SCARB1: variants seen among roughly 807,000 people sequenced by gnomAD.
The protein encoded by SCARB1 is scavenger receptor class B member 1.
SCARB1 carries 30 observed loss-of-function variants against 57.2 expected under a neutral mutation model. The ratio of observed to expected loss-of-function variants is 0.52; its 90% CI spans 0.39 to 0.71. SCARB1 has a LOEUF of 0.71. Among genes scored for constraint, SCARB1 ranks in the 30% least tolerant of loss-of-function variants. The pLI is 0.00. For missense variants in SCARB1, 543 were observed against 671.2 expected, an observed-to-expected ratio of 0.81 and a Z score of 2.11; for synonymous variants, 249 against 268.3, an observed-to-expected ratio of 0.93 and a Z score of 0.70.
rs1353120484 is a variant in SCARB1 at position 124,832,451 on chromosome 12, C to CA, written c.127-14745dup. Among the ~76,000 whole-genome samples the CA allele has an allele frequency of 2.6e-5, 4 of 151,500 alleles. 1 individual carries two copies. Among genetic ancestry groups the CA allele is most frequent in the African/African-American group, 9.7e-5 (4 of 41,112 alleles). On this transcript the variant is annotated intron_variant, in intron 1 of 12. Transcript: ENST00000261693. ...AGGAGAATCACTTGAACCTGGAAGG[C>CA]AGAGGTTCTAGTGAGCCGAGATTGT... is the stretch of plus-strand genomic sequence containing the variant.
At position 124,855,298 on chromosome 12, in the gene SCARB1, G is replaced by A. The variant is rs561346742; in HGVS notation, c.126+8297C>T. ...GGAAAGAAAACAAGAAAATTAAGAC[G>A]GCCAGGCCTTGGGCCATGAGGCTTC... On this transcript the variant is annotated intron_variant, in intron 1 of 12. Transcript: ENST00000261693. Among the ~76,000 whole-genome samples, 7 of 151,974 alleles carry A rather than the reference G, an allele frequency of 4.6e-5. No homozygotes were observed. In the East Asian group the frequency reaches 9.7e-4, roughly 21 times the overall value.
intron 1 of SCARB1, among the ~76,000 whole-genome samples, chr12:124,824,423 T>C (rs1420497202): frequency 1.3e-5 from 2 of 152,150 alleles, no homozygotes; most frequent in Admixed American, 6.5e-5. Context: ...TACACGGTAA[T>C]GAGAATGCTT....
At chr12:124,853,042 G>A (rs574041094) in intron 1 of SCARB1, among the ~76,000 whole-genome samples, 31 of 152,314 alleles carry the variant, frequency 2.0e-4, no homozygotes, top group Non-Finnish European at 3.5e-4. Context: ...ACAGACAGTG[G>A]ACGTGGGGGG....
chr12:124,854,037 AG>A (rs1440773694), intron 1 of SCARB1, among the ~76,000 whole-genome samples: 1 of 152,244 alleles, frequency 6.6e-6, no homozygotes, highest in African/African-American at 2.4e-5. Flanking sequence ...CTGCCCTCAC[AG>A]TCCGACATTC....
intron 11 of SCARB1, chr12:124,783,484 G>A (rs1280179309): frequency 1.3e-5 from 2 of 152,266 alleles, no homozygotes; most frequent in Non-Finnish European, 2.9e-5. Context: ...AAACTGATAA[G>A]GCCGGCCAGG....
Position 124,814,307 on chromosome 12 carries a change from A to G in SCARB1, c.525T>C (p.Thr175=). ...TLGERAFMNR[T]VGEIMWGYKD... is the part of the protein sequence containing the mutation. Reference sequence around the variant, plus strand: ...TGTAGCCCCACATGATCTCACCCACAGTGCGGTTCATGAAGGCACGTTCGC... The same window carrying G: ...TGTAGCCCCACATGATCTCACCCACGGTGCGGTTCATGAAGGCACGTTCGC... Residue 175 remains threonine, a synonymous_variant, in exon 4 of 13, where the codon ACT becomes ACC. Coordinates refer to ENST00000261693, the MANE Select transcript of SCARB1 (RefSeq NM_005505.5). This position sits in a 1 kb window ranked among gnomAD's most constrained non-coding sequence, Gnocchi z 4.7. 6.2e-7 allele frequency: 1 copy of G among 1,614,224 alleles called. No individual in the cohort carries two copies. Among genetic ancestry groups the G allele is most frequent in the Non-Finnish European group, 8.5e-7 (1 of 1,180,012 alleles).
intron 1 of SCARB1, among the ~76,000 whole-genome samples, chr12:124,845,168 G>A (rs1952090450): frequency 1.3e-5 from 2 of 152,162 alleles, no homozygotes; most frequent in African/African-American, 4.8e-5. Context: ...AGCCAAGCGA[G>A]TTCCCGAACA....
At chr12:124,798,846 G>GA (rs377087563) in intron 8 of SCARB1, among the ~76,000 whole-genome samples, 7,449 of 129,034 alleles carry the variant, frequency 0.058, 769 homozygotes, top group East Asian at 0.42. Context: ...CTCCATCTCA[G>GA]AAAAAAAAAA....
chr12:124,819,793 G>T (rs1260345484), intron 1 of SCARB1, among the ~76,000 whole-genome samples: 1 of 152,250 alleles, frequency 6.6e-6, no homozygotes, highest in Non-Finnish European at 1.5e-5. Flanking sequence ...CCAGCCCCAT[G>T]TCCCCCGGAA....
intron 1 of SCARB1, among the ~76,000 whole-genome samples, chr12:124,826,112 C>T (rs1441475312): frequency 1.3e-5 from 2 of 151,894 alleles, no homozygotes; most frequent in South Asian, 2.1e-4. Flanking sequence ...GTGGGAGGAT[C>T]GCTTGAGGTC....
At chr12:124,832,853 A>G (rs1951460573) in intron 1 of SCARB1, among the ~76,000 whole-genome samples, 1 of 152,160 alleles carries the variant, frequency 6.6e-6, no homozygotes, top group East Asian at 1.9e-4. Flanking sequence ...TGCTGCTGTA[A>G]GAATTAACAA....
chr12:124,832,224 T>C (rs7967521), intron 1 of SCARB1, among the ~76,000 whole-genome samples: 76,145 of 152,078 alleles, frequency 0.5, 19,586 homozygotes, highest in Middle Eastern at 0.67. Flanking sequence ...TTCTGAAAGT[T>C]GAACTGTTCT....
intron 9 of SCARB1, among the ~76,000 whole-genome samples, chr12:124,792,713 C>T (rs1462755518): frequency 8.6e-6 from 1 of 116,894 alleles, no homozygotes; most frequent in Non-Finnish European, 1.6e-5. Flanking sequence ...CACGGCAAGA[C>T]TTCGTCTCAA....
chr12:124,860,490 G>T (rs1254528301), intron 1 of SCARB1, among the ~76,000 whole-genome samples: 1 of 152,232 alleles, frequency 6.6e-6, no homozygotes, highest in Non-Finnish European at 1.5e-5. Context: ...GAGACACACG[G>T]GAACTTGGCT....
intron 1 of SCARB1, among the ~76,000 whole-genome samples, chr12:124,823,900 C>T (rs1038544280): frequency 6.6e-6 from 1 of 151,974 alleles, no homozygotes. Flanking sequence ...TGTGGTGGCT[C>T]ACATCTGTAA....
At chr12:124,785,845 A>G (rs1949491476) in intron 11 of SCARB1, 5 of 526,892 alleles carry the variant, frequency 9.5e-6, no homozygotes, top group Non-Finnish European at 1.0e-5. Context: ...AAAACCTCAC[A>G]CGTGGCTCAC....
chr12:124,837,524 GA>G (rs1407466670), intron 1 of SCARB1, among the ~76,000 whole-genome samples: 2 of 87,340 alleles, frequency 2.3e-5, no homozygotes, highest in African/African-American at 1.2e-4. Context: ...GAAAAGAAAG[GA>G]AAGAAAAAGA....
At chr12:124,825,030 C>G (rs1951083675) in intron 1 of SCARB1, among the ~76,000 whole-genome samples, 1 of 151,692 alleles carries the variant, frequency 6.6e-6, no homozygotes, top group Non-Finnish European at 1.5e-5. Context: ...CGAGATCATC[C>G]TGGCCAACAC....
Position 124,812,635 on chromosome 12 carries a change from C to T in SCARB1, c.631-670G>A, listed in dbSNP as rs1190161897. 1.3e-5 allele frequency among the ~76,000 whole-genome samples: 2 copies of T among 152,230 alleles called. No homozygotes were observed. The highest frequency in any genetic ancestry group is 2.9e-5 in the Non-Finnish European group (2 of 68,044). On this transcript the variant is annotated intron_variant, in intron 4 of 12. Transcript: ENST00000261693. The surrounding 1 kb of genome is among the most constrained non-coding windows in gnomAD (Gnocchi z 4.3). ...GTGCTCCGAGAGCATTTCCCAGAAG[C>T]TGGTTTCTAATCCCAAAGACATGCA...
Sources: allele counts gnomAD v4.1 joint callset (sites outside exome capture counted in the v4.1 genomes callset), GRCh38; gene constraint gnomAD v4.1.1; non-coding constraint Gnocchi (gnomAD v3.1); transcripts MANE v1.5; gene names NCBI Gene and HGNC (gene_info 2026-07-23, HGNC 2026-07-21).